TSC22D2: variants seen among roughly 807,000 people sequenced by gnomAD.
The protein encoded by TSC22D2 is TSC22 domain family protein 2.
In TSC22D2, 5 loss-of-function variants were observed where a neutral mutation model predicts 50.1. That is an observed-to-expected ratio of 0.10 (90% CI 0.05 to 0.21). The LOEUF is 0.21. TSC22D2 is among the 10% of genes least tolerant of loss of function. The probability of loss-of-function intolerance (pLI) is 1.00; values close to 1 mark genes in which losing one functional copy is unlikely to be tolerated. For synonymous variants in TSC22D2, 501 were observed against 450.1 expected (o/e 1.11, Z -1.43); for missense variants, 1,003 against 1,015.5 (o/e 0.99, Z 0.17).
chr3:150,456,812 GAGTT>G (rs1245769545), intron 1 of TSC22D2: 5 of 379,132 alleles, frequency 1.3e-5, no homozygotes, highest in African/African-American at 1.1e-4. Flanking sequence ...ATACAATTGA[GAGTT>G]AGTTTTAAAG....
intron 1 of TSC22D2, among the ~76,000 whole-genome samples, chr3:150,426,712 G>A (rs576640212): frequency 6.6e-6 from 1 of 152,216 alleles, no homozygotes; most frequent in South Asian, 2.1e-4. Flanking sequence ...CTGCTTGTCT[G>A]TCCTTATGAT....
chr3:150,435,475 C>G (rs1183100038), intron 1 of TSC22D2, among the ~76,000 whole-genome samples: 1 of 152,078 alleles, frequency 6.6e-6, no homozygotes, highest in Non-Finnish European at 1.5e-5. Flanking sequence ...CCCCCTTTCT[C>G]CATTTAAAAC....
intron 1 of TSC22D2, among the ~76,000 whole-genome samples, chr3:150,433,449 C>A (rs1720441702): frequency 6.6e-6 from 1 of 152,146 alleles, no homozygotes; most frequent in Non-Finnish European, 1.5e-5. Flanking sequence ...ATATATGTAA[C>A]CTTTGTCGTA....
chr3:150,413,452 C>T (rs753223483), intron 1 of TSC22D2, among the ~76,000 whole-genome samples: 7 of 151,920 alleles, frequency 4.6e-5, no homozygotes, highest in Non-Finnish European at 7.4e-5. Flanking sequence ...ACTTGACATG[C>T]TAGTTTCCAA....
At chr3:150,422,260 G>A (rs989322077) in intron 1 of TSC22D2, among the ~76,000 whole-genome samples, 1 of 152,162 alleles carries the variant, frequency 6.6e-6, no homozygotes, top group Non-Finnish European at 1.5e-5. Context: ...GAGGAGGAGG[G>A]AACAGGTTTG....
chr3:150,411,978 A>G (rs1719592022), intron 1 of TSC22D2, among the ~76,000 whole-genome samples: 1 of 152,160 alleles, frequency 6.6e-6, no homozygotes, highest in Non-Finnish European at 1.5e-5. Flanking sequence ...TCTATTTATT[A>G]TAGGAAAGGG....
intron 1 of TSC22D2, among the ~76,000 whole-genome samples, chr3:150,422,145 G>T (rs1720032010): frequency 6.6e-6 from 1 of 152,222 alleles, no homozygotes; most frequent in Non-Finnish European, 1.5e-5. Context: ...CTTAACTGCT[G>T]CTGTTCTGCT....
chr3:150,450,346 C>T (rs1721003513), intron 1 of TSC22D2, among the ~76,000 whole-genome samples: 1 of 152,016 alleles, frequency 6.6e-6, no homozygotes, highest in African/African-American at 2.4e-5. Context: ...GAAAAAGTAA[C>T]ACTTAAGTTT....
At chr3:150,430,659 C>T (rs555405509) in intron 1 of TSC22D2, among the ~76,000 whole-genome samples, 84 of 152,228 alleles carry the variant, frequency 5.5e-4, no homozygotes, top group Middle Eastern at 3.4e-3. Flanking sequence ...TGCAGACTTG[C>T]AGGTTGGTAT....
rs772476124 is a variant in TSC22D2 at position 150,410,366 on chromosome 3, C to T, written c.1016C>T (p.Pro339Leu). 5 of 1,601,732 alleles carry T rather than the reference C, an allele frequency of 3.1e-6. No individual in the cohort carries two copies. The highest frequency in any genetic ancestry group is 2.2e-5 in the South Asian group (2 of 89,582). ...VTLAQPAMSLPPQPGPAVGAP... is the reference protein window; with the variant it reads ...VTLAQPAMSLLPQPGPAVGAP... ...CTGGCGCAGCCGGCTATGTCCCTGC[C>T]TCCGCAGCCGGGCCCTGCAGTGGGC... Residue 339 changes from proline (P) to leucine (L), a missense_variant, in exon 1 of 3, where the codon CCT (proline) becomes CTT (leucine). Physicochemically the swap from Pro to Leu is moderately conservative, Grantham distance 98. Around this residue, in one of 6 missense-constraint regions of TSC22D2, gnomAD observed 696 missense variants for 647.8 expected, o/e 1.07. Transcript: ENST00000688009.
chr3:150,436,218 A>G (rs1720536990), intron 1 of TSC22D2, among the ~76,000 whole-genome samples: 1 of 152,182 alleles, frequency 6.6e-6, no homozygotes, highest in Non-Finnish European at 1.5e-5. Flanking sequence ...TATTTGTGTA[A>G]TGTATACACC....
Position 150,409,874 on chromosome 3 carries a change from A to G in TSC22D2, c.524A>G (p.Tyr175Cys). Residue 175 changes from tyrosine (Y) to cysteine (C), a missense_variant, in exon 1 of 3, where the codon TAT becomes TGT. By Grantham distance (194) the Tyr-to-Cys change is radical. This residue lies in a region of TSC22D2 where 19 missense variants were observed against 41.3 expected (regional missense o/e 0.46). Transcript: ENST00000688009. The surrounding 1 kb of genome is among the most constrained non-coding windows in gnomAD (Gnocchi z 7.4). ...IKLDHGSGEP[Y>C]RRGRWTCMEY... The stretch of plus-strand genomic sequence containing the variant: ...CTGGACCACGGGAGCGGAGAGCCCT[A>G]TAGACGCGGCCGATGGACGTGTATG... The G allele has an allele frequency of 6.2e-7, 1 of 1,612,390 alleles. No individual in the cohort carries two copies.
Position 150,441,917 on chromosome 3 carries a change from C to T in TSC22D2, c.1959-15159C>T, listed in dbSNP as rs74690247. ...TCAAACCCATTACTTCCAGCCTAGG[C>T]ATCTCTCCTTACATTCAAACTTACC... On this transcript the variant is annotated intron_variant, in intron 1 of 2. Transcript: ENST00000688009. 7.9e-3 allele frequency among the ~76,000 whole-genome samples: 1,206 copies of T among 152,282 alleles called. 17 individuals carry two copies. Among genetic ancestry groups the T allele is most frequent in the African/African-American group, 0.027 (1,125 of 41,566 alleles).
intron 1 of TSC22D2, among the ~76,000 whole-genome samples, chr3:150,432,430 A>G (rs1389259113): frequency 6.6e-6 from 1 of 151,864 alleles, no homozygotes; most frequent in Non-Finnish European, 1.5e-5. Flanking sequence ...TCATTTATTC[A>G]ATTCTTTTTT....
chr3:150,433,323 G>A (rs537500090), intron 1 of TSC22D2, among the ~76,000 whole-genome samples: 4 of 152,288 alleles, frequency 2.6e-5, no homozygotes, highest in African/African-American at 9.6e-5. Context: ...GGCTGTCAGT[G>A]TCCCCAGCTG....
At chr3:150,448,962 G>C (rs531398279) in intron 1 of TSC22D2, among the ~76,000 whole-genome samples, 1 of 150,978 alleles carries the variant, frequency 6.6e-6, no homozygotes, top group South Asian at 2.1e-4. Context: ...TTGTATTATA[G>C]ATCTTTACCA....
chr3:150,435,424 C>T (rs1560086692), intron 1 of TSC22D2, among the ~76,000 whole-genome samples: 1 of 152,002 alleles, frequency 6.6e-6, no homozygotes, highest in Non-Finnish European at 1.5e-5. Flanking sequence ...TGGAATGACT[C>T]TGTGTAATTT....
chr3:150,455,879 A>G (rs977415024), intron 1 of TSC22D2, among the ~76,000 whole-genome samples: 1 of 147,220 alleles, frequency 6.8e-6, no homozygotes, highest in African/African-American at 2.5e-5. Flanking sequence ...TTAAAAACCT[A>G]ATAACTGTTT....
intron 1 of TSC22D2, among the ~76,000 whole-genome samples, chr3:150,434,973 C>G (rs889852325): frequency 2.6e-5 from 4 of 151,732 alleles, no homozygotes; most frequent in Non-Finnish European, 5.9e-5. Flanking sequence ...TTATATGTGT[C>G]TTTTTATTTA....
Sources: allele counts gnomAD v4.1 joint callset (sites outside exome capture counted in the v4.1 genomes callset), GRCh38; gene constraint gnomAD v4.1.1; regional missense constraint gnomAD v4.1.1; non-coding constraint Gnocchi (gnomAD v3.1); transcripts MANE v1.5; gene names NCBI Gene and HGNC (gene_info 2026-07-23, HGNC 2026-07-21).